The following PRKG1 variants were observed in gnomAD, a reference collection of about 807,000 sequenced individuals.
PRKG1 encodes cGMP-dependent protein kinase 1.
PRKG1 carries 35 observed loss-of-function variants against 88.1 expected under a neutral mutation model. That is an observed-to-expected ratio of 0.40 (90% confidence interval 0.30 to 0.53). PRKG1 has a LOEUF of 0.53. Among genes scored for constraint, PRKG1 ranks in the 20% least tolerant of loss-of-function variants. The pLI is 0.59. For missense variants in PRKG1, 540 were observed against 839.8 expected, an observed-to-expected ratio of 0.64 and a Z score of 4.41; for synonymous variants, 303 against 292.5, an observed-to-expected ratio of 1.04 and a Z score of -0.37.
chr10:51,446,943 G>C (rs60570318), intron 2 of PRKG1, among the ~76,000 whole-genome samples: 5,361 of 152,064 alleles, frequency 0.035, 307 homozygotes, highest in African/African-American at 0.12. Flanking sequence ...ATGATAAAGA[G>C]AAAAGCCTTG....
At chr10:52,264,944 G>A (rs112127717) in intron 10 of PRKG1, among the ~76,000 whole-genome samples, 21 of 152,100 alleles carry the variant, frequency 1.4e-4, no homozygotes, top group African/African-American at 3.6e-4. Flanking sequence ...TTCCTTAAGC[G>A]ACCTTTGTGT....
intron 3 of PRKG1, among the ~76,000 whole-genome samples, chr10:51,627,594 T>C (rs999777999): frequency 6.6e-6 from 1 of 152,188 alleles, no homozygotes; most frequent in African/African-American, 2.4e-5. Context: ...TGTTTGTTTG[T>C]TTTCTGGAAT....
chr10:52,081,775 C>T (rs545033477), intron 7 of PRKG1: 58 of 422,622 alleles, frequency 1.4e-4, no homozygotes, highest in African/African-American at 8.4e-4. Flanking sequence ...GTAGGGTGGT[C>T]GGTATGGTCC....
intron 4 of PRKG1, among the ~76,000 whole-genome samples, chr10:51,827,394 T>C (rs373577457): frequency 6.6e-6 from 1 of 152,154 alleles, no homozygotes; most frequent in Non-Finnish European, 1.5e-5. Context: ...CAGTAAGAAC[T>C]TGGTTATGCA....
At chr10:51,310,571 T>C (rs1195996424) in intron 2 of PRKG1, among the ~76,000 whole-genome samples, 1 of 152,232 alleles carries the variant, frequency 6.6e-6, no homozygotes, top group Non-Finnish European at 1.5e-5. Context: ...TGGCCTCTTA[T>C]ACTTGGCTGA....
intron 2 of PRKG1, among the ~76,000 whole-genome samples, chr10:51,229,622 G>T (rs1291526931): frequency 1.3e-5 from 2 of 152,048 alleles, no homozygotes; most frequent in African/African-American, 4.8e-5. Flanking sequence ...GGGACTAAAA[G>T]CTTCAGTTCA....
intron 5 of PRKG1, among the ~76,000 whole-genome samples, chr10:51,934,076 G>T (rs1227597395): frequency 6.6e-6 from 1 of 152,040 alleles, no homozygotes; most frequent in Non-Finnish European, 1.5e-5. Context: ...CACTTTCCTG[G>T]TGTACAGCAA....
At chr10:51,139,675 A>G (rs1845776504) in intron 1 of PRKG1, among the ~76,000 whole-genome samples, 1 of 152,152 alleles carries the variant, frequency 6.6e-6, no homozygotes, top group South Asian at 2.1e-4. Flanking sequence ...CACTTGCAAA[A>G]TATACTTTCA....
chr10:52,052,031 A>G (rs1041762861), intron 5 of PRKG1, among the ~76,000 whole-genome samples: 1 of 152,190 alleles, frequency 6.6e-6, no homozygotes, highest in Non-Finnish European at 1.5e-5. Flanking sequence ...TACCTTTGCT[A>G]CCCAATACGG....
intron 2 of PRKG1, among the ~76,000 whole-genome samples, chr10:51,218,722 A>T (rs536132228): frequency 8.6e-5 from 13 of 151,992 alleles, no homozygotes; most frequent in African/African-American, 2.7e-4. Flanking sequence ...AATACATATG[A>T]TAAAGATATT....
intron 9 of PRKG1, among the ~76,000 whole-genome samples, chr10:52,200,211 A>G (rs1839629340): frequency 6.6e-6 from 1 of 151,756 alleles, no homozygotes; most frequent in Non-Finnish European, 1.5e-5. Context: ...CCCTCGTCCC[A>G]CCCTCCACTA....
At chr10:51,586,144 A>G (rs1838166890) in intron 3 of PRKG1, among the ~76,000 whole-genome samples, 1 of 152,160 alleles carries the variant, frequency 6.6e-6, no homozygotes, top group African/African-American at 2.4e-5. Flanking sequence ...TTGAATTTAT[A>G]ATAAGGAAAA....
intron 5 of PRKG1, among the ~76,000 whole-genome samples, chr10:51,915,003 A>C (rs1441377628): frequency 6.6e-6 from 1 of 152,206 alleles, no homozygotes; most frequent in Non-Finnish European, 1.5e-5. Context: ...TATACATTCC[A>C]GGGACCCTCT....
intron 3 of PRKG1, among the ~76,000 whole-genome samples, chr10:51,639,221 T>G (rs556334043): frequency 2.0e-5 from 3 of 151,192 alleles, no homozygotes; most frequent in Non-Finnish European, 4.4e-5. Flanking sequence ...GATAACGAGG[T>G]GAGGAGATCG....
chr10:51,172,154 TAATG>T (rs1321959021), intron 2 of PRKG1, among the ~76,000 whole-genome samples: 1 of 151,978 alleles, frequency 6.6e-6, no homozygotes. Flanking sequence ...AGTGATGAAA[TAATG>T]AGTCACTTTC....
At chr10:52,111,346 T>C (rs1459996295) in intron 7 of PRKG1, among the ~76,000 whole-genome samples, 1 of 152,240 alleles carries the variant, frequency 6.6e-6, no homozygotes, top group East Asian at 1.9e-4. Context: ...ATACTAACAC[T>C]TCGTTTTAAC....
At chr10:51,536,268 T>G (rs1262171151) in intron 3 of PRKG1, among the ~76,000 whole-genome samples, 1 of 152,136 alleles carries the variant, frequency 6.6e-6, no homozygotes, top group Non-Finnish European at 1.5e-5. Flanking sequence ...TATTAAAAAT[T>G]TTTGACTTAC....
intron 2 of PRKG1, among the ~76,000 whole-genome samples, chr10:51,326,032 T>A (rs1487895009): frequency 6.6e-6 from 1 of 152,232 alleles, no homozygotes; most frequent in African/African-American, 2.4e-5. Flanking sequence ...CTCATCTGTC[T>A]CATCTTGTGT....
At chr10:51,267,307 G>T (rs180958925) in intron 2 of PRKG1, among the ~76,000 whole-genome samples, 1 of 151,950 alleles carries the variant, frequency 6.6e-6, no homozygotes, top group South Asian at 2.1e-4. Context: ...TTTGTGACCC[G>T]ATTTTTGTTA....
Sources: gnomAD v4.1 joint callset for allele counts (sites outside exome capture counted in the v4.1 genomes callset) on GRCh38, gnomAD v4.1.1 for gene constraint, MANE v1.5 for transcripts, NCBI Gene and HGNC (gene_info 2026-07-23, HGNC 2026-07-21) for gene names.